Variants in DSCAM observed in about 807,000 individuals in gnomAD.
The protein encoded by DSCAM is cell adhesion molecule DSCAM.
Under a neutral mutation model 217.7 loss-of-function variants are expected in DSCAM, and 47 were observed. The observed-to-expected ratio is 0.22, with a 90% CI of 0.17 to 0.28. The LOEUF is 0.28. Among genes scored for constraint, DSCAM ranks in the 10% least tolerant of loss-of-function variants. The pLI, the probability that DSCAM is intolerant of heterozygous loss-of-function variation, is 1.00. For synonymous variants in DSCAM, 1,056 were observed against 1,015.3 expected (o/e 1.04, Z -0.76); for missense variants, 2,080 against 2,618.3 (o/e 0.79, Z 4.49).
chr21:40,383,973 A>G (rs927110102), intron 3 of DSCAM: 1 of 152,216 alleles, frequency 6.6e-6, no homozygotes, highest in Admixed American at 6.5e-5. Context: ...AGTGTTTCTT[A>G]GAGAAAGGGA....
At chr21:40,163,833 T>C (rs1161249944) in intron 16 of DSCAM, among the ~76,000 whole-genome samples, 1 of 152,194 alleles carries the variant, frequency 6.6e-6, no homozygotes, top group Non-Finnish European at 1.5e-5. Flanking sequence ...TTTCACTGTA[T>C]CATGAGTTAG....
chr21:40,717,206 AAGACC>A (rs1448566753), intron 1 of DSCAM, among the ~76,000 whole-genome samples: 1 of 152,252 alleles, frequency 6.6e-6, no homozygotes, highest in African/African-American at 2.4e-5. Flanking sequence ...GCACTGTGCC[AAGACC>A]AGCAGACACA....
At chr21:40,815,954 C>A (rs2091877786) in intron 1 of DSCAM, among the ~76,000 whole-genome samples, 1 of 152,196 alleles carries the variant, frequency 6.6e-6, no homozygotes, top group Admixed American at 6.5e-5. Context: ...TTCCACCTGT[C>A]ACCATTGTGG....
At chr21:40,255,658 A>C (rs1454200348) in intron 11 of DSCAM, among the ~76,000 whole-genome samples, 1 of 152,266 alleles carries the variant, frequency 6.6e-6, no homozygotes, top group African/African-American at 2.4e-5. Flanking sequence ...AAACAGAAGC[A>C]AAAGAAACAG....
At chr21:40,648,013 G>A (rs1437848043) in intron 3 of DSCAM, among the ~76,000 whole-genome samples, 1 of 152,150 alleles carries the variant, frequency 6.6e-6, no homozygotes, top group Admixed American at 6.5e-5. Flanking sequence ...TTAACTTGGT[G>A]CATGCAACAG....
intron 1 of DSCAM, among the ~76,000 whole-genome samples, chr21:40,733,946 ATCTT>A (rs988337838): frequency 2.0e-5 from 3 of 152,222 alleles, no homozygotes; most frequent in Admixed American, 6.5e-5. Flanking sequence ...CCCTCTCTAT[ATCTT>A]TCTGTTAATT....
rs909326280 is a variant in DSCAM at position 40,118,871 on chromosome 21, C to T, written c.3696+5324G>A. Among the ~76,000 whole-genome samples, 11 of 152,292 alleles carry T rather than the reference C, an allele frequency of 7.2e-5. No homozygotes were observed. In the South Asian group the frequency reaches 1.0e-3, roughly 14 times the overall value. ...GACATTGTCTAGTGTTTCCTGCCTT[C>T]CCTGGAACTTCTGGGTATGGGTTTG... On this transcript the variant is annotated intron_variant, in intron 20 of 32. Transcript: ENST00000400454.
chr21:40,463,400 C>A (rs2075820704), intron 3 of DSCAM, among the ~76,000 whole-genome samples: 1 of 152,188 alleles, frequency 6.6e-6, no homozygotes, highest in African/African-American at 2.4e-5. Context: ...ACTGCTCATA[C>A]CGAGACCACC....
intron 3 of DSCAM, among the ~76,000 whole-genome samples, chr21:40,680,402 G>A (rs971309516): frequency 2.0e-5 from 3 of 152,146 alleles, no homozygotes; most frequent in African/African-American, 7.2e-5. Flanking sequence ...TCCACAGAGA[G>A]GTATTTAACT....
intron 28 of DSCAM, among the ~76,000 whole-genome samples, chr21:40,057,128 A>G (rs1445441014): frequency 6.6e-6 from 1 of 152,236 alleles, no homozygotes; most frequent in Non-Finnish European, 1.5e-5. Flanking sequence ...ATTCCTACTT[A>G]GGACTTGATC....
intron 3 of DSCAM, among the ~76,000 whole-genome samples, chr21:40,454,248 T>C (rs547185579): frequency 1.3e-5 from 2 of 152,220 alleles, no homozygotes; most frequent in Non-Finnish European, 2.9e-5. Flanking sequence ...AATGAAACAA[T>C]GAAGGTGTCA....
chr21:40,682,200 G>A (rs1032960901), intron 3 of DSCAM, among the ~76,000 whole-genome samples: 1 of 152,070 alleles, frequency 6.6e-6, no homozygotes, highest in Non-Finnish European at 1.5e-5. Context: ...GGGATGCGGG[G>A]GAGTGAATAA....
chr21:40,577,205 T>C (rs948343120), intron 3 of DSCAM, among the ~76,000 whole-genome samples: 3 of 149,326 alleles, frequency 2.0e-5, no homozygotes, highest in Admixed American at 1.3e-4. Context: ...TATGGAGAAA[T>C]TTGAAAATAT....
At chr21:40,608,190 T>C (rs898751444) in intron 3 of DSCAM, among the ~76,000 whole-genome samples, 1 of 152,250 alleles carries the variant, frequency 6.6e-6, no homozygotes, top group African/African-American at 2.4e-5. Flanking sequence ...TGAGAAATTA[T>C]CCTAAAAACG....
intron 32 of DSCAM, among the ~76,000 whole-genome samples, chr21:40,014,621 C>T (rs2088124538): frequency 6.6e-6 from 1 of 152,158 alleles, no homozygotes; most frequent in South Asian, 2.1e-4. Flanking sequence ...AAGTGCACCG[C>T]AGCCTGACGT....
At chr21:40,028,217 C>CG (rs1337664984) in intron 32 of DSCAM, among the ~76,000 whole-genome samples, 3 of 111,582 alleles carry the variant, frequency 2.7e-5, no homozygotes, top group Admixed American at 2.0e-4. Flanking sequence ...GCAGTCTGCC[C>CG]TTCTCAGATG....
At chr21:40,408,453 T>G (rs2075296665) in intron 3 of DSCAM, among the ~76,000 whole-genome samples, 1 of 152,126 alleles carries the variant, frequency 6.6e-6, no homozygotes, top group Admixed American at 6.6e-5. Context: ...ATGAGACATT[T>G]GCTGGAAATT....
intron 3 of DSCAM, among the ~76,000 whole-genome samples, chr21:40,472,584 A>AATGACCAAAATCATTAGGAGCTT (rs2075897921): frequency 1.3e-5 from 2 of 152,234 alleles, no homozygotes; most frequent in Admixed American, 6.5e-5. Context: ...TTGGATTTGT[A>AATGACCAAAATCATTAGGAGCTT]ATGACCAAAA....
chr21:40,500,611 G>C (rs2076163387), intron 3 of DSCAM, among the ~76,000 whole-genome samples: 1 of 152,200 alleles, frequency 6.6e-6, no homozygotes, highest in Non-Finnish European at 1.5e-5. Context: ...GAAGGGAAGA[G>C]ATGGCACCTT....
Sources: gnomAD v4.1 joint callset for allele counts (sites outside exome capture counted in the v4.1 genomes callset) on GRCh38, gnomAD v4.1.1 for gene constraint, MANE v1.5 for transcripts, NCBI Gene and HGNC (gene_info 2026-07-23, HGNC 2026-07-21) for gene names.